ASB2: variants seen among roughly 807,000 people sequenced by gnomAD.
ASB2 encodes the protein ankyrin repeat and SOCS box protein 2.
ASB2 carries 58 observed loss-of-function variants against 62.4 expected under a neutral mutation model. The observed-to-expected ratio is 0.93, with a 90% CI of 0.75 to 1.16. The LOEUF is 1.16. Among genes scored for constraint, ASB2 ranks in the 50% most tolerant of loss-of-function variants. The pLI, the probability that ASB2 is intolerant of heterozygous loss-of-function variation, is 0.00. For missense variants in ASB2, 928 were observed against 887.9 expected (o/e 1.05, Z -0.57); for synonymous variants, 386 against 385.3 (o/e 1.00, Z -0.02).
At chr14:93,963,375 C>T (rs1289073872) in intron 2 of ASB2, among the ~76,000 whole-genome samples, 2 of 151,294 alleles carry the variant, frequency 1.3e-5, no homozygotes, top group Non-Finnish European at 2.9e-5. Context: ...CATGCCCAAA[C>T]ACACTTGACC....
chr14:93,976,170 T>C (rs918093686), intron 1 of ASB2, among the ~76,000 whole-genome samples: 2 of 152,222 alleles, frequency 1.3e-5, no homozygotes, highest in African/African-American at 4.8e-5. Context: ...TTTCCATTTT[T>C]AGAAGTGCAC....
chr14:93,957,862 C>G (rs2141303703), intron 2 of ASB2, among the ~76,000 whole-genome samples: 1 of 152,268 alleles, frequency 6.6e-6, no homozygotes, highest in Middle Eastern at 3.4e-3. Flanking sequence ...TAGGTCAGGC[C>G]TGGCACTCTC....
chr14:93,973,261 C>T (rs560246671), intron 1 of ASB2, among the ~76,000 whole-genome samples: 2 of 152,324 alleles, frequency 1.3e-5, no homozygotes, highest in Admixed American at 6.5e-5. Context: ...ACTGAGGCTG[C>T]ATCTGAAATG....
rs1345425546 is a variant in ASB2, at chr14:93,975,739, C to T, written c.-74+695G>A. 4.6e-5 allele frequency among the ~76,000 whole-genome samples: 7 copies of T among 152,330 alleles called. No homozygotes were observed. In the South Asian group the frequency reaches 1.2e-3, roughly 27 times the overall value. Reference sequence around the variant, plus strand: ...AGGTCCCTTGACTTCCCTGCCTTTGCCCAAGCTGCTCCTCCACCTGGAGGT... The same window carrying T: ...AGGTCCCTTGACTTCCCTGCCTTTGTCCAAGCTGCTCCTCCACCTGGAGGT... On this transcript the variant is annotated intron_variant, in intron 1 of 9. Coordinates refer to ENST00000555019, the MANE Select transcript of ASB2 (RefSeq NM_001202429.2).
chr14:93,947,286 A>AT (rs1413018123), intron 7 of ASB2, 63 bp downstream of exon 7: 22 of 1,575,734 alleles, frequency 1.4e-5, no homozygotes, highest in Non-Finnish European at 1.6e-5. Flanking sequence ...CACCCCTCCA[A>AT]TCCCCTACTC....
chr14:93,957,524 G>C lies in ASB2; in HGVS notation c.207-654C>G, dbSNP rs142374584. ...GGGCTCTGGCACTCCTTGGCTGTGT[G>C]ACGTGAGACAGGTTGACCTTTTCTG... On this transcript the variant is annotated intron_variant, in intron 2 of 9. Coordinates refer to ENST00000555019, the MANE Select transcript of ASB2 (RefSeq NM_001202429.2). 294 of 413,626 alleles carry C rather than the reference G, an allele frequency of 7.1e-4. 2 individuals carry two copies. The highest frequency in any genetic ancestry group is 5.9e-3 in the African/African-American group (273 of 45,994). The allele number at this position is 413,626 out of a possible 1,614,324, so 25.6% of individuals were successfully genotyped here. A position where few individuals can be genotyped will look rare whatever the true frequency, so the allele number is the denominator to read the frequency against.
In ASB2 at chr14:93,947,630, G is replaced by A. The variant is rs550265162; in HGVS notation, c.881-110C>T. On this transcript the variant is annotated intron_variant, in intron 6 of 9. Coordinates refer to ENST00000555019, the MANE Select transcript of ASB2 (RefSeq NM_001202429.2). ...CTGTGCTAACCACGGTAATGCACGG[G>A]ACCTTTAACAACGACCCTTAGGAAG... The A allele has an allele frequency of 4.9e-5, 54 of 1,102,470 alleles. No individual in the cohort carries two copies. The Admixed American group carries it at 7.6e-4, about 16-fold the overall frequency. 68.3% of individuals were successfully genotyped at this position (1,102,470 alleles called of 1,614,324 possible). A position where few individuals can be genotyped will look rare whatever the true frequency, so the allele number is the denominator to read the frequency against.
intron 7 of ASB2, among the ~76,000 whole-genome samples, chr14:93,944,690 C>T (rs1373638843): frequency 6.6e-6 from 1 of 152,218 alleles, no homozygotes; most frequent in African/African-American, 2.4e-5. Context: ...GGCCCAGGCC[C>T]CTCTGAGCCT....
chr14:93,959,357 A>G (rs11844555), intron 2 of ASB2, among the ~76,000 whole-genome samples: 73,082 of 152,038 alleles, frequency 0.48, 18,458 homozygotes, highest in East Asian at 0.97. Flanking sequence ...CTGAGATCCG[A>G]GTGCATCCAC....
intron 7 of ASB2, among the ~76,000 whole-genome samples, chr14:93,942,849 G>GTGA (rs3838359): frequency 4.6e-4 from 70 of 151,048 alleles, no homozygotes; most frequent in East Asian, 2.1e-3. Context: ...TGTAATAATA[G>GTGA]TGATGATGAT....
At position 93,939,683 on chromosome 14, in the gene ASB2, G is replaced by C. The variant is rs954881999; in HGVS notation, c.1053-11C>G. ...AGCATCTGCACGATCCTGCCGGGTC[G>C]AGGGGCGGGCGCGGGTGAGGGGAGG... On this transcript the variant is annotated splice_polypyrimidine_tract_variant and intron_variant, in intron 7 of 9. Transcript: ENST00000555019. 7.0e-7 allele frequency: 1 copy of C among 1,429,902 alleles called. No homozygotes were observed. The highest frequency in any genetic ancestry group is 9.1e-7 in the Non-Finnish European group (1 of 1,098,612). 88.6% of individuals were successfully genotyped at this position (1,429,902 alleles called of 1,614,324 possible). A position where few individuals can be genotyped will look rare whatever the true frequency, so the allele number is the denominator to read the frequency against.
intron 7 of ASB2, chr14:93,941,389 T>C: frequency 3.1e-6 from 1 of 325,098 alleles, no homozygotes; most frequent in South Asian, 2.4e-5. Context: ...GCCTCTGGCC[T>C]CCTGGCACAC....
intron 7 of ASB2, 70 bp from the exon 8 acceptor site, chr14:93,939,742 A>G (rs1888445769): frequency 8.0e-7 from 1 of 1,242,918 alleles, no homozygotes; most frequent in Non-Finnish European, 1.0e-6. Context: ...CGGCCCCGCC[A>G]GCAGGAGAGC....
rs1567031293 is a variant in ASB2, at chr14:93,964,247, G to A, written c.206+87C>T. The A allele has an allele frequency of 3.4e-5, 40 of 1,190,548 alleles. 2 individuals carry two copies. The South Asian group carries it at 3.5e-4, about 10-fold the overall frequency. 73.7% of individuals were successfully genotyped at this position (1,190,548 alleles called of 1,614,324 possible). On this transcript the variant is annotated intron_variant, in intron 2 of 9. Transcript: ENST00000555019. ...AAAGCAACCTAGAGACCAGGATACCGTGGTTTTGGATTAACAGCATTAGGG... is the reference window on the plus strand; with the variant it reads ...AAAGCAACCTAGAGACCAGGATACCATGGTTTTGGATTAACAGCATTAGGG...
chr14:93,974,916 C>T (rs567994479), intron 1 of ASB2, among the ~76,000 whole-genome samples: 38 of 152,318 alleles, frequency 2.5e-4, no homozygotes, highest in African/African-American at 6.7e-4. Flanking sequence ...CCCCCACCCC[C>T]GCCACCACAA....
intron 2 of ASB2, among the ~76,000 whole-genome samples, chr14:93,958,533 C>A (rs1274422149): frequency 6.6e-6 from 1 of 152,222 alleles, no homozygotes; most frequent in East Asian, 1.9e-4. Context: ...GCCTCAGTTT[C>A]CTTATTTGCA....
chr14:93,950,946 CT>C, intron 6 of ASB2, 52 bp downstream of exon 6: 1 of 1,569,910 alleles, frequency 6.4e-7, no homozygotes. Context: ...CTCTGACATC[CT>C]TCCCGTGTGC....
intron 6 of ASB2, among the ~76,000 whole-genome samples, chr14:93,949,912 A>G (rs1388761192): frequency 6.6e-6 from 1 of 151,964 alleles, no homozygotes; most frequent in Non-Finnish European, 1.5e-5. Context: ...TATGTTCCCC[A>G]CTGCTCAGGC....
At position 93,956,877 on chromosome 14, in the gene ASB2, G is replaced by C. The variant is rs777974246; in HGVS notation, c.207-7C>G. The C allele has an allele frequency of 4.3e-6, 7 of 1,614,180 alleles. No individual in the cohort carries two copies. In the East Asian group the frequency reaches 1.6e-4, roughly 36 times the overall value. On this transcript the variant is annotated splice_polypyrimidine_tract_variant and splice_region_variant and intron_variant, in intron 2 of 9. Coordinates refer to ENST00000555019, the MANE Select transcript of ASB2 (RefSeq NM_001202429.2). ...CTCAGGAGGTGCAGTGGACCTGGAG[G>C]GTGCAGAGCAGGAGTGAAAGAGGGA...
Sources: gnomAD v4.1 joint callset for allele counts (sites outside exome capture counted in the v4.1 genomes callset) on GRCh38, gnomAD v4.1.1 for gene constraint, MANE v1.5 for transcripts, NCBI Gene and HGNC (gene_info 2026-07-23, HGNC 2026-07-21) for gene names.